The following PDE4D variants were observed in gnomAD, a reference collection of about 807,000 sequenced individuals.
The protein encoded by PDE4D is phosphodiesterase 4D.
In PDE4D, 24 loss-of-function variants were observed where a neutral mutation model predicts 87.4. That is an observed-to-expected ratio of 0.27 (90% confidence interval 0.20 to 0.39). The LOEUF (loss-of-function observed/expected upper bound fraction) is 0.39, where lower values mean the gene tolerates loss of function less well. Among genes scored for constraint, PDE4D ranks in the 10% least tolerant of loss-of-function variants. The pLI is 1.00. For missense variants in PDE4D, 714 were observed against 1,041.0 expected (o/e 0.69, Z 4.32); for synonymous variants, 384 against 383.2 (o/e 1.00, Z -0.02).
intron 3 of PDE4D, among the ~76,000 whole-genome samples, chr5:59,935,013 T>C (rs1003797246): frequency 6.6e-6 from 1 of 152,162 alleles, no homozygotes; most frequent in Non-Finnish European, 1.5e-5. Context: ...GGGAACAATA[T>C]AACCTGGTGG....
At chr5:60,064,940 A>T (rs1771887064) in intron 2 of PDE4D, among the ~76,000 whole-genome samples, 2 of 152,186 alleles carry the variant, frequency 1.3e-5, no homozygotes, top group Admixed American at 1.3e-4. Flanking sequence ...TACTGCCTTG[A>T]CTGCAAAAGA....
intron 1 of PDE4D, among the ~76,000 whole-genome samples, chr5:59,664,889 A>T (rs1257410220): frequency 6.6e-6 from 1 of 152,194 alleles, no homozygotes; most frequent in African/African-American, 2.4e-5. Context: ...AGATACTTCC[A>T]GTTTTCTGTG....
At chr5:60,399,909 T>C (rs536665137) in intron 1 of PDE4D, among the ~76,000 whole-genome samples, 2 of 152,374 alleles carry the variant, frequency 1.3e-5, no homozygotes, top group East Asian at 3.9e-4. Flanking sequence ...GTTACTTTTA[T>C]GCCTAAGCCA....
chr5:60,196,106 T>A (rs1317705803), intron 1 of PDE4D, among the ~76,000 whole-genome samples: 1 of 151,682 alleles, frequency 6.6e-6, no homozygotes, highest in Non-Finnish European at 1.5e-5. Flanking sequence ...ACAAAATAAA[T>A]GACATTTTTG....
chr5:59,470,409 T>A (rs1382636561), intron 1 of PDE4D, among the ~76,000 whole-genome samples: 1 of 152,194 alleles, frequency 6.6e-6, no homozygotes, highest in East Asian at 1.9e-4. Context: ...CATTCTGTAC[T>A]CCTACTCATA....
chr5:60,460,119 T>C, intron 1 of PDE4D: 3 of 1,603,026 alleles, frequency 1.9e-6, no homozygotes, highest in East Asian at 4.5e-5. Context: ...AGAAGCTCTC[T>C]GGTTCCTCAT....
chr5:59,699,460 G>A (rs1490979449), intron 1 of PDE4D, among the ~76,000 whole-genome samples: 3 of 152,094 alleles, frequency 2.0e-5, no homozygotes, highest in African/African-American at 7.2e-5. Context: ...TATAGAATCA[G>A]CTTTTCCTGT....
intron 1 of PDE4D, among the ~76,000 whole-genome samples, chr5:60,473,212 AAG>A (rs1308111321): frequency 2.7e-5 from 4 of 150,884 alleles, no homozygotes; most frequent in African/African-American, 9.7e-5. Flanking sequence ...AAAGAAAAGA[AAG>A]AGAAAGAAAG....
intron 3 of PDE4D, among the ~76,000 whole-genome samples, chr5:59,958,364 G>T (rs1759091901): frequency 6.6e-6 from 1 of 152,010 alleles, no homozygotes; most frequent in Non-Finnish European, 1.5e-5. Context: ...TCTTCCAAAA[G>T]GATATATTAC....
intron 1 of PDE4D, among the ~76,000 whole-genome samples, chr5:59,837,076 C>T (rs1046562662): frequency 2.6e-5 from 4 of 151,982 alleles, no homozygotes; most frequent in Admixed American, 1.3e-4. Flanking sequence ...AAACCTTTAT[C>T]GTTTACAGTT....
At chr5:59,527,299 T>C (rs527603928) in intron 1 of PDE4D, among the ~76,000 whole-genome samples, 5 of 152,318 alleles carry the variant, frequency 3.3e-5, no homozygotes, top group African/African-American at 1.2e-4. Context: ...AACATACTTT[T>C]TATAAGATCC....
At chr5:59,230,247 G>C (rs1754864936) in intron 1 of PDE4D, among the ~76,000 whole-genome samples, 1 of 151,168 alleles carries the variant, frequency 6.6e-6, no homozygotes, top group Non-Finnish European at 1.5e-5. Context: ...TCTCTTGTTA[G>C]TTGCACGTGT....
At chr5:60,185,720 G>C in intron 1 of PDE4D, 1 of 614,410 alleles carries the variant, frequency 1.6e-6, no homozygotes, top group Middle Eastern at 2.6e-4. Context: ...GTTTAATCAA[G>C]TTATGATTAA....
chr5:59,911,077 A>T (rs1753389280), intron 3 of PDE4D, among the ~76,000 whole-genome samples: 1 of 152,234 alleles, frequency 6.6e-6, no homozygotes. Flanking sequence ...TTTAGTTTAT[A>T]GTTTAACTTT....
chr5:60,264,485 A>T (rs891008213), intron 1 of PDE4D, among the ~76,000 whole-genome samples: 2 of 152,214 alleles, frequency 1.3e-5, no homozygotes, highest in Admixed American at 1.3e-4. Context: ...ACAGCCATCT[A>T]CATCAACAAA....
At chr5:59,337,215 G>A (rs530477010) in intron 1 of PDE4D, among the ~76,000 whole-genome samples, 106 of 151,836 alleles carry the variant, frequency 7.0e-4, no homozygotes, top group Non-Finnish European at 1.2e-3. Flanking sequence ...CAGTTCTTTT[G>A]TAAACCAAGC....
chr5:60,245,293 C>G (rs980665355), intron 1 of PDE4D, among the ~76,000 whole-genome samples: 1 of 151,714 alleles, frequency 6.6e-6, no homozygotes, highest in African/African-American at 2.4e-5. Context: ...CAAATGCTGG[C>G]GAGGATGTGA....
At chr5:60,231,969 G>A (rs969625243) in intron 1 of PDE4D, among the ~76,000 whole-genome samples, 1 of 151,924 alleles carries the variant, frequency 6.6e-6, no homozygotes, top group East Asian at 1.9e-4. Context: ...TATAGAGGGA[G>A]GGGGACCGCC....
At chr5:58,977,141 T>TAAAC in intron 12 of PDE4D, 50 bp downstream of exon 12, 1 of 1,528,392 alleles carries the variant, frequency 6.5e-7, no homozygotes, top group South Asian at 1.2e-5. Context: ...GTCTAAATTA[T>TAAAC]AAACAACTTG....
Sources: gnomAD v4.1 joint callset for allele counts (sites outside exome capture counted in the v4.1 genomes callset) on GRCh38, gnomAD v4.1.1 for gene constraint, MANE v1.5 for transcripts, NCBI Gene and HGNC (gene_info 2026-07-23, HGNC 2026-07-21) for gene names.